KCNH8: variants seen among roughly 807,000 people sequenced by gnomAD.
KCNH8 encodes the protein voltage-gated delayed rectifier potassium channel KCNH8.
In KCNH8, 70 loss-of-function variants were observed where a neutral mutation model predicts 103.6. The observed-to-expected ratio is 0.68, with a 90% CI of 0.56 to 0.82. The LOEUF (loss-of-function observed/expected upper bound fraction) is 0.82, where lower values mean the gene tolerates loss of function less well. Ranked by LOEUF, KCNH8 falls within the 40% of genes least tolerant of loss-of-function variation. The pLI is 0.00. For synonymous variants in KCNH8, 498 were observed against 489.4 expected (o/e 1.02, Z -0.23); for missense variants, 1,217 against 1,329.9 (o/e 0.92, Z 1.32).
intron 3 of KCNH8, among the ~76,000 whole-genome samples, chr3:19,307,552 G>C (rs2065146547): frequency 6.6e-6 from 1 of 151,932 alleles, no homozygotes; most frequent in Non-Finnish European, 1.5e-5. Context: ...TTTATCCAAA[G>C]ATAAGGAAAT....
At chr3:19,512,647 G>A (rs1354957951) in intron 12 of KCNH8, among the ~76,000 whole-genome samples, 2 of 152,008 alleles carry the variant, frequency 1.3e-5, no homozygotes, top group Admixed American at 1.3e-4. Flanking sequence ...ACAAATGACA[G>A]GCTGATTAAA....
At chr3:19,262,215 TATTA>T (rs1004273036) in intron 2 of KCNH8, among the ~76,000 whole-genome samples, 9 of 151,966 alleles carry the variant, frequency 5.9e-5, no homozygotes, top group Non-Finnish European at 1.2e-4. Context: ...ATTTTAACAA[TATTA>T]ATTCTTCCAA....
At chr3:19,492,145 G>T (rs1002506118) in intron 11 of KCNH8, among the ~76,000 whole-genome samples, 1 of 151,962 alleles carries the variant, frequency 6.6e-6, no homozygotes, top group South Asian at 2.1e-4. Flanking sequence ...TCTCTTGATA[G>T]TTTCTTTTGT....
rs754287642 is a variant in KCNH8 at position 19,275,728 on chromosome 3, C to T, written c.311-5470C>T. On this transcript the variant is annotated intron_variant, in intron 2 of 15. Coordinates refer to ENST00000328405, the MANE Select transcript of KCNH8 (RefSeq NM_144633.3). ...CTTTGGGTATTCCAGGGAACATTCCCCTCCTTTTTAACATGACACCTTTTT... is the reference window on the plus strand; with the variant it reads ...CTTTGGGTATTCCAGGGAACATTCCTCTCCTTTTTAACATGACACCTTTTT... Among the ~76,000 whole-genome samples the T allele has an allele frequency of 2.0e-5, 3 of 152,100 alleles. No homozygotes were observed. The East Asian group carries it at 5.8e-4, about 29-fold the overall frequency.
chr3:19,296,870 A>G (rs1226487985), intron 3 of KCNH8, among the ~76,000 whole-genome samples: 1 of 152,074 alleles, frequency 6.6e-6, no homozygotes, highest in African/African-American at 2.4e-5. Flanking sequence ...TTTCTTAAAA[A>G]AAAAAGACAT....
At chr3:19,401,896 G>C (rs976493904) in intron 7 of KCNH8, among the ~76,000 whole-genome samples, 34 of 151,900 alleles carry the variant, frequency 2.2e-4, no homozygotes, top group Admixed American at 2.1e-3. Flanking sequence ...AGCAGACAGG[G>C]AGTTAATATG....
chr3:19,356,187 T>C (rs1183287030), intron 5 of KCNH8, among the ~76,000 whole-genome samples: 1 of 151,978 alleles, frequency 6.6e-6, no homozygotes, highest in Non-Finnish European at 1.5e-5. Context: ...ACAGTCAATT[T>C]TGGGAGATGA....
chr3:19,255,430 T>G (rs1349830713), intron 2 of KCNH8, among the ~76,000 whole-genome samples: 1 of 152,162 alleles, frequency 6.6e-6, no homozygotes, highest in Non-Finnish European at 1.5e-5. Context: ...TTTGATGTCC[T>G]CTTTTCCTAT....
chr3:19,450,001 CAT>C, intron 8 of KCNH8, 103 bp from the exon 9 acceptor site: 1 of 904,014 alleles, frequency 1.1e-6, no homozygotes, highest in Admixed American at 2.5e-5. Flanking sequence ...GCCATGTAAC[CAT>C]GCTCTGCTCT....
intron 1 of KCNH8, among the ~76,000 whole-genome samples, chr3:19,207,961 T>A (rs1424412964): frequency 2.6e-5 from 4 of 151,248 alleles, no homozygotes; most frequent in East Asian, 1.9e-4. Flanking sequence ...TTTCAAGATT[T>A]AAAAAAAAAT....
chr3:19,488,594 C>A (rs765891965), intron 11 of KCNH8, among the ~76,000 whole-genome samples: 4 of 152,168 alleles, frequency 2.6e-5, no homozygotes, highest in Non-Finnish European at 4.4e-5. Context: ...TGGACTCTCC[C>A]CTTTTTCTTG....
At chr3:19,510,973 G>A (rs2068773570) in intron 12 of KCNH8, among the ~76,000 whole-genome samples, 1 of 152,104 alleles carries the variant, frequency 6.6e-6, no homozygotes, top group Admixed American at 6.6e-5. Context: ...AGATGATGGT[G>A]GAGAAGGGTC....
At chr3:19,523,941 C>T (rs7372189) in intron 15 of KCNH8, among the ~76,000 whole-genome samples, 86,160 of 151,610 alleles carry the variant, frequency 0.57, 24,596 homozygotes, top group Middle Eastern at 0.62. Context: ...GAGTTGTTGT[C>T]TAGGTTATAC....
chr3:19,313,011 C>G (rs937829195), intron 3 of KCNH8, among the ~76,000 whole-genome samples: 11 of 140,460 alleles, frequency 7.8e-5, no homozygotes, highest in African/African-American at 2.9e-4. Context: ...TTCTCCATAA[C>G]TGCTATTGGC....
chr3:19,481,990 G>A (rs1005993412), intron 11 of KCNH8, among the ~76,000 whole-genome samples: 2 of 152,092 alleles, frequency 1.3e-5, no homozygotes, highest in Admixed American at 6.6e-5. Context: ...TGGGAGCATC[G>A]GCAGACTCAC....
In KCNH8 at chr3:19,330,306, A is replaced by G. The variant is rs1169247421; in HGVS notation, c.443-12281A>G. Among the ~76,000 whole-genome samples the G allele has an allele frequency of 2.6e-5, 4 of 152,258 alleles. No homozygotes were observed. The East Asian group carries it at 5.8e-4, about 22-fold the overall frequency. On this transcript the variant is annotated intron_variant, in intron 3 of 15. Transcript: ENST00000328405. Reference sequence around the variant, plus strand: ...ATTCTCCCTTATAAATGTCTTCCTTATATTCCACAAATACTTCCATTTAGT... The same window carrying G: ...ATTCTCCCTTATAAATGTCTTCCTTGTATTCCACAAATACTTCCATTTAGT...
chr3:19,303,527 CA>C (rs2065090453), intron 3 of KCNH8, among the ~76,000 whole-genome samples: 2 of 151,998 alleles, frequency 1.3e-5, no homozygotes, highest in African/African-American at 4.8e-5. Context: ...AGACTAAAAC[CA>C]GAAAGATAAG....
At chr3:19,523,519 T>C (rs567801591) in intron 15 of KCNH8, among the ~76,000 whole-genome samples, 1 of 152,060 alleles carries the variant, frequency 6.6e-6, no homozygotes, top group South Asian at 2.1e-4. Context: ...TTATTTCTCG[T>C]TCAAGCAAAA....
chr3:19,230,335 G>A (rs988255933), intron 1 of KCNH8, among the ~76,000 whole-genome samples: 1 of 152,180 alleles, frequency 6.6e-6, no homozygotes, highest in Admixed American at 6.5e-5. Flanking sequence ...AAAAGTTGGA[G>A]AGATGACTTT....
Sources: gnomAD v4.1 joint callset for allele counts (sites outside exome capture counted in the v4.1 genomes callset) on GRCh38, gnomAD v4.1.1 for gene constraint, MANE v1.5 for transcripts, NCBI Gene and HGNC (gene_info 2026-07-23, HGNC 2026-07-21) for gene names.